MBP: variants seen among roughly 807,000 people sequenced by gnomAD.
MBP encodes the protein myelin basic protein.
MBP carries 16 observed loss-of-function variants against 35.8 expected under a neutral mutation model. The observed-to-expected ratio is 0.45, with a 90% CI of 0.30 to 0.68. The LOEUF (loss-of-function observed/expected upper bound fraction) is 0.68, where lower values mean the gene tolerates loss of function less well. MBP is among the 30% of genes least tolerant of loss of function. The pLI is 0.08. For missense variants in MBP, 380 were observed against 404.7 expected (o/e 0.94, Z 0.52); for synonymous variants, 143 against 159.6 (o/e 0.90, Z 0.78).
In MBP at chr18:77,131,121, C is replaced by CACA. The variant is rs1568354963; in HGVS notation, c.-26+1458_-26+1459insTGT. On this transcript the variant is annotated intron_variant, in intron 1 of 8. Coordinates refer to ENST00000355994, the MANE Select transcript of MBP (RefSeq NM_001025101.2). The surrounding 1 kb of genome is among the most constrained non-coding windows in gnomAD (Gnocchi z 5.5). The stretch of plus-strand genomic sequence containing the variant: ...CACACACACACACACACACACACAC[C>CACA]CCCTCTGCCGCGGTACCCTTCCCCT... Among the ~76,000 whole-genome samples the CACA allele has an allele frequency of 1.3e-3, 85 of 65,512 alleles. No homozygotes were observed. Among genetic ancestry groups the CACA allele is most frequent in the African/African-American group, 2.6e-3 (56 of 21,274 alleles). The allele number at this position is 65,512 out of a possible 152,430, so 43.0% of individuals were successfully genotyped here.
intron 4 of MBP, chr18:77,010,241 C>G (rs1036534772): frequency 1.4e-5 from 5 of 369,066 alleles, no homozygotes; most frequent in African/African-American, 1.0e-4. Flanking sequence ...GGCCCTGTAT[C>G]AAACAATGGG....
At chr18:77,017,407 C>T in intron 3 of MBP, 139 bp from the exon 4 acceptor site, 1 of 722,004 alleles carries the variant, frequency 1.4e-6, no homozygotes, top group Non-Finnish European at 2.0e-6. Context: ...AGCCCTTGGC[C>T]TAGGATGGAG....
chr18:76,985,101 A>T (rs1433056920), intron 7 of MBP: 9 of 1,525,156 alleles, frequency 5.9e-6, no homozygotes, highest in African/African-American at 1.4e-5. Flanking sequence ...TGTTGGCCGC[A>T]GAGAGAGGAG....
intron 3 of MBP, among the ~76,000 whole-genome samples, chr18:77,064,638 G>T (rs1336482599): frequency 2.0e-5 from 3 of 152,098 alleles, no homozygotes; most frequent in Non-Finnish European, 2.9e-5. Context: ...AAGGACTTTT[G>T]AAAAAGAGCA....
Position 76,980,423 on chromosome 18 carries a change from G to A in MBP, c.*4C>T, listed in dbSNP as rs1969114824. 1 of 1,613,252 alleles carries A rather than the reference G, an allele frequency of 6.2e-7. No homozygotes were observed. Among genetic ancestry groups the A allele is most frequent in the African/African-American group, 1.3e-5 (1 of 74,870 alleles). On this transcript the variant is annotated 3_prime_UTR_variant, in exon 9 of 9. Coordinates refer to ENST00000355994, the MANE Select transcript of MBP (RefSeq NM_001025101.2). Reference sequence around the variant, plus strand: ...AGGACAGGATTCCGGAACCAGGTGGGTTTTCAGCGTCTAGCCATGGGTGAT... The same window carrying A: ...AGGACAGGATTCCGGAACCAGGTGGATTTTCAGCGTCTAGCCATGGGTGAT...
In MBP at chr18:76,989,095, T is replaced by C; in HGVS notation, c.682-183A>G. 1 of 717,246 alleles carries C rather than the reference T, an allele frequency of 1.4e-6. No homozygotes were observed. The highest frequency in any genetic ancestry group is 2.6e-6 in the Non-Finnish European group (1 of 391,886). 44.4% of individuals were successfully genotyped at this position (717,246 alleles called of 1,614,324 possible). On this transcript the variant is annotated intron_variant, in intron 5 of 8. Transcript: ENST00000355994. This position sits in a 1 kb window ranked among gnomAD's most constrained non-coding sequence, Gnocchi z 4.0. ...TATAGACCTGAGATTGAAAATATTCTAGATGATGCAGATCTCCCAGAGCAC... is the reference window on the plus strand; with the variant it reads ...TATAGACCTGAGATTGAAAATATTCCAGATGATGCAGATCTCCCAGAGCAC...
chr18:76,991,680 C>T (rs188509507), intron 4 of MBP, among the ~76,000 whole-genome samples: 141 of 152,328 alleles, frequency 9.3e-4, no homozygotes, highest in African/African-American at 3.1e-3. Context: ...GTAAAGAGCC[C>T]ACACCTCAGG....
At chr18:77,107,285 TAAATG>T (rs1976309566) in intron 1 of MBP, among the ~76,000 whole-genome samples, 1 of 152,174 alleles carries the variant, frequency 6.6e-6, no homozygotes, top group Non-Finnish European at 1.5e-5. Context: ...CATCCAGACA[TAAATG>T]AACCTCCTAT....
intron 2 of MBP, among the ~76,000 whole-genome samples, chr18:77,084,395 A>G (rs1437842778): frequency 7.5e-6 from 1 of 133,926 alleles, no homozygotes; most frequent in African/African-American, 2.7e-5. Context: ...CCCTGCAAAA[A>G]GACCATCACA....
Position 76,996,058 on chromosome 18 carries a change from G to C in MBP, c.577-5998C>G, listed in dbSNP as rs375444044. On this transcript the variant is annotated intron_variant, in intron 4 of 8. Coordinates refer to ENST00000355994, the MANE Select transcript of MBP (RefSeq NM_001025101.2). Reference sequence around the variant, plus strand: ...GAATAAACACTTCAGCAAAGAGGACGTAGGGAGGGTGAATAAGCAGATGAA... The same window carrying C: ...GAATAAACACTTCAGCAAAGAGGACCTAGGGAGGGTGAATAAGCAGATGAA... Among the ~76,000 whole-genome samples, 11 of 152,318 alleles carry C rather than the reference G, an allele frequency of 7.2e-5. No homozygotes were observed. In the South Asian group the frequency reaches 2.3e-3, roughly 32 times the overall value.
Position 77,044,037 on chromosome 18 carries a change from C to CTCTGCCTCTCTGCCTT in MBP, c.139+22260_139+22261insAAGGCAGAGAGGCAGA, listed in dbSNP as rs55981005. 1.8e-3 allele frequency among the ~76,000 whole-genome samples: 267 copies of CTCTGCCTCTCTGCCTT among 151,678 alleles called. 1 individual carries two copies. Among genetic ancestry groups the CTCTGCCTCTCTGCCTT allele is most frequent in the Non-Finnish European group, 3.5e-3 (235 of 67,852 alleles). The stretch of plus-strand genomic sequence containing the variant: ...CCTGAGGCTCTCTGCCTCTCTGCCT[C>CTCTGCCTCTCTGCCTT]CTCCCTGGAGGCCGTGCAAATCCTG... On this transcript the variant is annotated intron_variant, in intron 3 of 8. Coordinates refer to ENST00000355994, the MANE Select transcript of MBP (RefSeq NM_001025101.2). The surrounding 1 kb of genome is among the most constrained non-coding windows in gnomAD (Gnocchi z 4.4).
At chr18:76,987,093 C>T (rs1969601553) in intron 7 of MBP, 1 of 985,340 alleles carries the variant, frequency 1.0e-6, no homozygotes, top group Non-Finnish European at 1.2e-6. Context: ...GGGAGGAATG[C>T]AAGGGTCTTT....
At chr18:77,029,005 G>T (rs1238114967) in intron 3 of MBP, among the ~76,000 whole-genome samples, 1 of 109,356 alleles carries the variant, frequency 9.1e-6, no homozygotes, top group Non-Finnish European at 2.3e-5. Flanking sequence ...TTCCCAGACG[G>T]GGTGGCGGCC....
chr18:77,070,387 G>A (rs60534233), intron 2 of MBP, among the ~76,000 whole-genome samples: 35,891 of 152,132 alleles, frequency 0.24, 4,599 homozygotes, highest in South Asian at 0.4. Flanking sequence ...GTAAGAATCT[G>A]TTTCTTATCC....
At position 77,080,615 on chromosome 18, in the gene MBP, G is replaced by A. The variant is rs927817141; in HGVS notation, c.52-14230C>T. On this transcript the variant is annotated intron_variant, in intron 2 of 8. Coordinates refer to ENST00000355994, the MANE Select transcript of MBP (RefSeq NM_001025101.2). ...CAGGAGTACTAGAGAGGAAGTGAAA[G>A]CTGCCAATCCATTTCCTAGTATACT... is the stretch of plus-strand genomic sequence containing the variant. Among the ~76,000 whole-genome samples the A allele has an allele frequency of 5.7e-4, 87 of 152,238 alleles. 3 individuals carry two copies. The highest frequency in any genetic ancestry group is 6.5e-4 in the Admixed American group (10 of 15,282).
intron 4 of MBP, among the ~76,000 whole-genome samples, chr18:76,996,337 G>A (rs1446009378): frequency 1.3e-5 from 2 of 152,072 alleles, no homozygotes; most frequent in Non-Finnish European, 2.9e-5. Flanking sequence ...CTTCTATAAT[G>A]AATATATTGG....
In MBP at chr18:77,118,430, T is replaced by C. The variant is rs1599273527; in HGVS notation, c.-25-13144A>G. 2.0e-5 allele frequency among the ~76,000 whole-genome samples: 3 copies of C among 152,062 alleles called. No individual in the cohort carries two copies. In the South Asian group the frequency reaches 6.2e-4, roughly 32 times the overall value. On this transcript the variant is annotated intron_variant, in intron 1 of 8. Coordinates refer to ENST00000355994, the MANE Select transcript of MBP (RefSeq NM_001025101.2). ...CAGGTTTTAGCACAGTCGGCCATGATCCGTGAGCTGCTGACCTGGATTTTT... is the reference window on the plus strand; with the variant it reads ...CAGGTTTTAGCACAGTCGGCCATGACCCGTGAGCTGCTGACCTGGATTTTT...
At chr18:77,069,488 C>T (rs1974342531) in intron 2 of MBP, among the ~76,000 whole-genome samples, 1 of 152,124 alleles carries the variant, frequency 6.6e-6, no homozygotes, top group South Asian at 2.1e-4. Context: ...GCATTTTCTT[C>T]ATGCTTAATG....
chr18:77,015,906 C>G lies in MBP; in HGVS notation c.576+926G>C, dbSNP rs946738421. On this transcript the variant is annotated intron_variant, in intron 4 of 8. Transcript: ENST00000355994. ...GGAATTCCAGAATCAGCCCTGCACACAGGCAGAAAAACAGCTTCATCTTAC... is the reference window on the plus strand; with the variant it reads ...GGAATTCCAGAATCAGCCCTGCACAGAGGCAGAAAAACAGCTTCATCTTAC... The G allele has an allele frequency of 5.1e-6, 5 of 985,336 alleles. No homozygotes were observed. In the African/African-American group the frequency reaches 8.7e-5, roughly 17 times the overall value. 61.0% of individuals were successfully genotyped at this position (985,336 alleles called of 1,614,324 possible).
Sources: allele counts gnomAD v4.1 joint callset (sites outside exome capture counted in the v4.1 genomes callset), GRCh38; gene constraint gnomAD v4.1.1; non-coding constraint Gnocchi (gnomAD v3.1); transcripts MANE v1.5; gene names NCBI Gene and HGNC (gene_info 2026-07-23, HGNC 2026-07-21).